The following FOXP1 variants were observed in gnomAD, a reference collection of about 807,000 sequenced individuals.
FOXP1 encodes forkhead box P1.
FOXP1 carries 15 observed loss-of-function variants against 98.2 expected under a neutral mutation model. The ratio of observed to expected loss-of-function variants is 0.15; its 90% CI spans 0.10 to 0.24. The LOEUF is 0.24. FOXP1 is among the 10% of genes least tolerant of loss of function. The pLI, the probability that FOXP1 is intolerant of heterozygous loss-of-function variation, is 1.00. For synonymous variants in FOXP1, 371 were observed against 314.5 expected (o/e 1.18, Z -1.90); for missense variants, 633 against 848.5 (o/e 0.75, Z 3.15).
At chr3:71,544,528 A>G (rs908499040) in intron 2 of FOXP1, among the ~76,000 whole-genome samples, 1 of 152,226 alleles carries the variant, frequency 6.6e-6, no homozygotes, top group Non-Finnish European at 1.5e-5. Context: ...AGTGACACCA[A>G]TGGCAAAAAC....
At chr3:71,087,177 G>A (rs1414542930) in intron 7 of FOXP1, among the ~76,000 whole-genome samples, 1 of 152,202 alleles carries the variant, frequency 6.6e-6, no homozygotes, top group African/African-American at 2.4e-5. Context: ...GAGCTGTGCA[G>A]GCCCTGAAGA....
At chr3:71,076,739 C>T (rs911882603) in intron 7 of FOXP1, among the ~76,000 whole-genome samples, 22 of 152,306 alleles carry the variant, frequency 1.4e-4, no homozygotes, top group African/African-American at 5.1e-4. Flanking sequence ...CTGTTTTGAG[C>T]ATGGTCTCTG....
intron 3 of FOXP1, among the ~76,000 whole-genome samples, chr3:71,439,055 T>A (rs1055208572): frequency 2.1e-4 from 32 of 152,332 alleles, no homozygotes; most frequent in African/African-American, 7.5e-4. Context: ...CTCATCTTCC[T>A]CTCCACTGTT....
At chr3:71,424,169 G>A (rs1307406638) in intron 3 of FOXP1, among the ~76,000 whole-genome samples, 1 of 152,132 alleles carries the variant, frequency 6.6e-6, no homozygotes, top group African/African-American at 2.4e-5. Flanking sequence ...TGCGCTGAAG[G>A]ATGGTCCTTT....
chr3:71,232,681 T>C (rs35667428), intron 5 of FOXP1, among the ~76,000 whole-genome samples: 40,984 of 151,212 alleles, frequency 0.27, 6,810 homozygotes, highest in Non-Finnish European at 0.36. Context: ...GGAGGATCCC[T>C]TGAGTTCAGG....
chr3:71,127,792 TATTAACAAGTTAGC>T (rs2059317663), intron 6 of FOXP1, among the ~76,000 whole-genome samples: 2 of 152,224 alleles, frequency 1.3e-5, no homozygotes, highest in South Asian at 4.1e-4. Context: ...GTGTTCTGAG[TATTAACAAGTTAGC>T]ATTAGTCAGG....
intron 5 of FOXP1, among the ~76,000 whole-genome samples, chr3:71,219,773 C>A (rs1468730308): frequency 6.6e-5 from 10 of 152,128 alleles, no homozygotes; most frequent in Admixed American, 4.6e-4. Context: ...TTTAAAATTC[C>A]TTGTGTGGCT....
At chr3:71,265,746 T>C (rs1342136893) in intron 5 of FOXP1, among the ~76,000 whole-genome samples, 4 of 152,168 alleles carry the variant, frequency 2.6e-5, no homozygotes, top group African/African-American at 9.7e-5. Context: ...CATGACGCGC[T>C]GGACCGACTC....
At chr3:71,366,930 C>A (rs13073529) in intron 3 of FOXP1, among the ~76,000 whole-genome samples, 15,864 of 152,164 alleles carry the variant, frequency 0.1, 1,060 homozygotes, top group Non-Finnish European at 0.15. Flanking sequence ...TGATTGCTTG[C>A]GGATTATGGC....
chr3:71,457,876 C>T lies in FOXP1; in HGVS notation c.-168+35550G>A, dbSNP rs375377605. ...TTCTTCCTTTTAGCAAAACACACTCCGCTTCCCAGTGCCCAACATGGGGGC... is the reference window on the plus strand; with the variant it reads ...TTCTTCCTTTTAGCAAAACACACTCTGCTTCCCAGTGCCCAACATGGGGGC... On this transcript the variant is annotated intron_variant, in intron 3 of 20. Transcript: ENST00000649528. Among the ~76,000 whole-genome samples, 16 of 152,278 alleles carry T rather than the reference C, an allele frequency of 1.1e-4. No individual in the cohort carries two copies. In the South Asian group the frequency reaches 1.9e-3, roughly 18 times the overall value.
chr3:71,234,641 G>C lies in FOXP1; in HGVS notation c.-11-36249C>G, dbSNP rs540813426. 4.7e-4 allele frequency among the ~76,000 whole-genome samples: 71 copies of C among 152,190 alleles called. 1 individual carries two copies. Among genetic ancestry groups the C allele is most frequent in the Admixed American group, 7.9e-4 (12 of 15,276 alleles). ...TGTCTGCAAAGAAATGTTTAGTGCA[G>C]ATGAGTCTAAGGCATTTTCCTCTCC... On this transcript the variant is annotated intron_variant, in intron 5 of 20. Transcript: ENST00000649528.
intron 7 of FOXP1, among the ~76,000 whole-genome samples, chr3:71,105,060 G>A (rs1412592012): frequency 6.6e-6 from 1 of 152,186 alleles, no homozygotes; most frequent in Non-Finnish European, 1.5e-5. Context: ...TTAAGCAGCT[G>A]ATTGTGGAAC....
chr3:70,996,935 G>C (rs1391780843), intron 13 of FOXP1, among the ~76,000 whole-genome samples: 1 of 152,166 alleles, frequency 6.6e-6, no homozygotes, highest in Non-Finnish European at 1.5e-5. Flanking sequence ...TCCCCCTTTG[G>C]AAATTGATGA....
chr3:71,226,451 G>A (rs762430971), intron 5 of FOXP1, among the ~76,000 whole-genome samples: 22 of 106,766 alleles, frequency 2.1e-4, no homozygotes, highest in Non-Finnish European at 4.7e-4. Context: ...ACTCCACCCG[G>A]CAGCCATCCT....
intron 2 of FOXP1, among the ~76,000 whole-genome samples, chr3:71,546,737 A>T (rs927050572): frequency 6.6e-6 from 1 of 151,884 alleles, no homozygotes; most frequent in Non-Finnish European, 1.5e-5. Flanking sequence ...GCTCCTGGAC[A>T]GTGAAGTCAG....
intron 5 of FOXP1, among the ~76,000 whole-genome samples, chr3:71,218,204 C>A (rs1034588440): frequency 6.6e-6 from 1 of 152,148 alleles, no homozygotes; most frequent in African/African-American, 2.4e-5. Flanking sequence ...AACTCACAAA[C>A]TTTAGGAATT....
At chr3:71,338,193 T>C (rs1266899958) in intron 4 of FOXP1, among the ~76,000 whole-genome samples, 4 of 152,162 alleles carry the variant, frequency 2.6e-5, no homozygotes, top group Admixed American at 2.6e-4. Flanking sequence ...AAAACATGTG[T>C]TACATAAAGA....
intron 11 of FOXP1, among the ~76,000 whole-genome samples, chr3:71,030,604 T>C (rs1332521449): frequency 1.3e-5 from 2 of 152,258 alleles, no homozygotes; most frequent in Non-Finnish European, 2.9e-5. Flanking sequence ...ACACCTGGCC[T>C]GTGGTTTGAG....
chr3:70,976,003 T>A (rs1216770954), intron 17 of FOXP1, among the ~76,000 whole-genome samples: 1 of 151,804 alleles, frequency 6.6e-6, no homozygotes, highest in Non-Finnish European at 1.5e-5. Context: ...ATAATGAAGT[T>A]CGAAATCTAC....
Sources: allele counts gnomAD v4.1 joint callset (sites outside exome capture counted in the v4.1 genomes callset), GRCh38; gene constraint gnomAD v4.1.1; transcripts MANE v1.5; gene names NCBI Gene and HGNC (gene_info 2026-07-23, HGNC 2026-07-21).